The following KLHL42 variants were observed in gnomAD, a reference collection of about 807,000 sequenced individuals.
KLHL42 encodes kelch like family member 42.
A neutral mutation model predicts 32.7 loss-of-function variants in KLHL42; 27 were observed. The ratio of observed to expected loss-of-function variants is 0.83; its 90% CI spans 0.61 to 1.14. The LOEUF (loss-of-function observed/expected upper bound fraction) is 1.14. Among genes scored for constraint, KLHL42 ranks in the 50% most tolerant of loss-of-function variants. KLHL42 has a pLI of 0.00. For missense variants in KLHL42, 491 were observed against 560.8 expected, an observed-to-expected ratio of 0.88 and a Z score of 1.26; for synonymous variants, 267 against 248.2, an observed-to-expected ratio of 1.08 and a Z score of -0.71.
At chr12:27,781,292 G>A in intron 1 of KLHL42, 90 bp downstream of exon 1, 1 of 1,391,866 alleles carries the variant, frequency 7.2e-7, no homozygotes, top group South Asian at 1.3e-5. Context: ...CAGTAAATAG[G>A]GGAGGGTGTG....
chr12:27,799,549 G>GA lies in KLHL42; in HGVS notation c.*1393dup, dbSNP rs911449464. On this transcript the variant is annotated 3_prime_UTR_variant, in exon 3 of 3. Transcript: ENST00000381271. ...CTCACTTTAAGAAAGTCCTGTAGGGGAAAAAAAAAACTGTCAGAGCGAATT... is the reference window on the plus strand; with the variant it reads ...CTCACTTTAAGAAAGTCCTGTAGGGGAAAAAAAAAAACTGTCAGAGCGAATT... The GA allele has an allele frequency of 3.1e-4, 46 of 148,460 alleles. No individual in the cohort carries two copies. The highest frequency in any genetic ancestry group is 6.4e-4 in the South Asian group (3 of 4,680). The allele number at this position is 148,460 out of a possible 1,614,324, so 9.2% of individuals were successfully genotyped here. A position where few individuals can be genotyped will look rare whatever the true frequency, so the allele number is the denominator to read the frequency against.
At chr12:27,782,642 C>G (rs1170056490) in intron 1 of KLHL42, among the ~76,000 whole-genome samples, 4 of 152,110 alleles carry the variant, frequency 2.6e-5, no homozygotes, top group Non-Finnish European at 5.9e-5. Flanking sequence ...ATTCCTCTAG[C>G]TACACATCAT....
chr12:27,797,765 C>G lies in KLHL42; in HGVS notation c.1117C>G (p.Leu373Val), dbSNP rs2062225843. ...CTGCCCCTCTTCCGACATGTGGACG[C>G]TCTTTGAAACATGTGACGTCCACAT... Reference protein sequence around the residue: ...QYCPSSDMWTLFETCDVHIRK... With the variant: ...QYCPSSDMWTVFETCDVHIRK... Residue 373 changes from leucine to valine, a missense_variant, in exon 3 of 3, where the codon CTC becomes GTC. By Grantham distance (32) the Leu-to-Val change is conservative (BLOSUM62 1). Coordinates refer to ENST00000381271, the MANE Select transcript of KLHL42 (RefSeq NM_020782.2). The G allele has an allele frequency of 1.4e-6, 1 of 735,870 alleles. No individual in the cohort carries two copies. The highest frequency in any genetic ancestry group is 2.5e-6 in the Non-Finnish European group (1 of 393,622). The allele number at this position is 735,870 out of a possible 1,614,324, so 45.6% of individuals were successfully genotyped here.
chr12:27,797,992 C>T lies in KLHL42; in HGVS notation c.1344C>T (p.Asn448=), dbSNP rs2062227402. 3 of 781,048 alleles carry T rather than the reference C, an allele frequency of 3.8e-6. No homozygotes were observed. Among genetic ancestry groups the T allele is most frequent in the South Asian group, 1.3e-5 (1 of 74,616 alleles). The allele number at this position is 781,048 out of a possible 1,614,324, so 48.4% of individuals were successfully genotyped here. The change falls in exon 3 of 3, where the codon AAC becomes AAT. Residue 448 remains asparagine, a synonymous_variant. Coordinates refer to ENST00000381271, the MANE Select transcript of KLHL42 (RefSeq NM_020782.2). ...TTAACTTGACTTGTGCGCTCCATAACGACGGCATCTACATCATGAGCAGAG... is the reference window on the plus strand; with the variant it reads ...TTAACTTGACTTGTGCGCTCCATAATGACGGCATCTACATCATGAGCAGAG... ...SGLNLTCALH[N]DGIYIMSRDV...
At chr12:27,790,729 A>C (rs191344372) in intron 1 of KLHL42, among the ~76,000 whole-genome samples, 4 of 152,306 alleles carry the variant, frequency 2.6e-5, no homozygotes, top group Non-Finnish European at 5.9e-5. Context: ...AACATATGTA[A>C]AGACCCTAAG....
At chr12:27,791,681 CT>C in intron 1 of KLHL42, 26 bp from the exon 2 acceptor site, 1 of 1,579,074 alleles carries the variant, frequency 6.3e-7, no homozygotes, top group Non-Finnish European at 8.7e-7. Context: ...AGAACTAACT[CT>C]GTGGGCCTTT....
intron 1 of KLHL42, chr12:27,787,711 A>C (rs540186597): frequency 1.3e-5 from 2 of 152,316 alleles, no homozygotes; most frequent in African/African-American, 4.8e-5. Flanking sequence ...AGCAAGGCTG[A>C]GAGAGAGACT....
rs537758308 is a variant in KLHL42, at chr12:27,799,569, C to T, written c.*1403C>T. On this transcript the variant is annotated 3_prime_UTR_variant, in exon 3 of 3. Coordinates refer to ENST00000381271, the MANE Select transcript of KLHL42 (RefSeq NM_020782.2). Reference sequence around the variant, plus strand: ...TAGGGGAAAAAAAAAACTGTCAGAGCGAATTCATGCATTCAACAAACACTT... The same window carrying T: ...TAGGGGAAAAAAAAAACTGTCAGAGTGAATTCATGCATTCAACAAACACTT... 6.6e-6 allele frequency: 1 copy of T among 152,182 alleles called. No individual in the cohort carries two copies. The highest frequency in any genetic ancestry group is 1.5e-5 in the Non-Finnish European group (1 of 67,986). The allele number at this position is 152,182 out of a possible 1,614,324, so 9.4% of individuals were successfully genotyped here.
intron 1 of KLHL42, among the ~76,000 whole-genome samples, chr12:27,784,222 C>T (rs1222517098): frequency 2.7e-5 from 4 of 150,498 alleles, no homozygotes; most frequent in Non-Finnish European, 5.9e-5. Context: ...GCAAGCTCCG[C>T]CTCCCAGGTT....
chr12:27,783,644 G>C (rs1261182937), intron 1 of KLHL42, among the ~76,000 whole-genome samples: 1 of 151,716 alleles, frequency 6.6e-6, no homozygotes, highest in Non-Finnish European at 1.5e-5. Context: ...TGCAGTGGCG[G>C]GATCTCGGCT....
intron 1 of KLHL42, among the ~76,000 whole-genome samples, chr12:27,783,071 C>G (rs1204948963): frequency 6.6e-6 from 1 of 152,170 alleles, no homozygotes; most frequent in Admixed American, 6.5e-5. Flanking sequence ...AACTTAACTA[C>G]TGAATAGCCT....
At chr12:27,794,462 A>C (rs2062210392) in intron 2 of KLHL42, among the ~76,000 whole-genome samples, 1 of 152,184 alleles carries the variant, frequency 6.6e-6, no homozygotes, top group African/African-American at 2.4e-5. Context: ...TAAGGTTTTT[A>C]ACTTAATTAC....
chr12:27,785,637 C>T (rs374957823), intron 1 of KLHL42, among the ~76,000 whole-genome samples: 115 of 152,166 alleles, frequency 7.6e-4, no homozygotes, highest in Middle Eastern at 3.4e-3. Context: ...CTGAGTGTTC[C>T]GTGTCTGCTC....
intron 1 of KLHL42, among the ~76,000 whole-genome samples, chr12:27,783,549 T>C (rs1245019324): frequency 6.6e-6 from 1 of 152,196 alleles, no homozygotes; most frequent in African/African-American, 2.4e-5. Flanking sequence ...TTTTTTTCTG[T>C]GTCAACAAAT....
chr12:27,788,256 A>G (rs1350696240), intron 1 of KLHL42: 1 of 152,116 alleles, frequency 6.6e-6, no homozygotes, highest in African/African-American at 2.4e-5. Context: ...GATGGTTTTC[A>G]TTTCTTGAGC....
chr12:27,786,587 G>A lies in KLHL42; in HGVS notation c.873-5121G>A, dbSNP rs115531821. On this transcript the variant is annotated intron_variant, in intron 1 of 2. Transcript: ENST00000381271. The stretch of plus-strand genomic sequence containing the variant: ...ACATCTACTTTGATTCACCTTTGTC[G>A]GAGACTGCTTTGGGATGTATCAGTA... Among the ~76,000 whole-genome samples the A allele has an allele frequency of 4.6e-5, 7 of 152,212 alleles. No individual in the cohort carries two copies. The East Asian group carries it at 5.8e-4, about 13-fold the overall frequency.
chr12:27,795,054 C>T (rs1257623247), intron 2 of KLHL42, among the ~76,000 whole-genome samples: 2 of 151,920 alleles, frequency 1.3e-5, no homozygotes, highest in Non-Finnish European at 2.9e-5. Context: ...CCCCCTCTCT[C>T]GTGTGTGTGT....
rs1283358320 is a variant in KLHL42 at position 27,786,339 on chromosome 12, C to T, written c.872+5137C>T. On this transcript the variant is annotated intron_variant, in intron 1 of 2. Transcript: ENST00000381271. ...CCTCAGCTCCACGACAGCCTTTAAG[C>T]CCAGCATTCTTCTAGTCACTGTTGG... Among the ~76,000 whole-genome samples the T allele has an allele frequency of 1.1e-4, 17 of 152,284 alleles. No homozygotes were observed. In the East Asian group the frequency reaches 3.3e-3, roughly 29 times the overall value.
chr12:27,784,670 CGCCAA>C (rs1265065818), intron 1 of KLHL42, among the ~76,000 whole-genome samples: 2 of 152,136 alleles, frequency 1.3e-5, no homozygotes, highest in African/African-American at 2.4e-5. Context: ...TGGTTGCTCC[CGCCAA>C]ATTGCCCATC....
Sources: gnomAD v4.1 joint callset for allele counts (sites outside exome capture counted in the v4.1 genomes callset) on GRCh38, gnomAD v4.1.1 for gene constraint, MANE v1.5 for transcripts, NCBI Gene and HGNC (gene_info 2026-07-23, HGNC 2026-07-21) for gene names.